Variants in TMEM132D observed in about 807,000 individuals in gnomAD.
TMEM132D encodes transmembrane protein 132D.
In TMEM132D, 21 loss-of-function variants were observed where a neutral mutation model predicts 62.3. That is an observed-to-expected ratio of 0.34 (90% CI 0.24 to 0.49). The LOEUF is 0.49. Ranked by LOEUF, TMEM132D falls within the 20% of genes least tolerant of loss-of-function variation. TMEM132D has a pLI of 0.99. For synonymous variants in TMEM132D, 621 were observed against 575.6 expected (o/e 1.08, Z -1.13); for missense variants, 1,346 against 1,402.8 (o/e 0.96, Z 0.65).
chr12:129,629,995 C>T (rs1879313694), intron 2 of TMEM132D, among the ~76,000 whole-genome samples: 1 of 152,194 alleles, frequency 6.6e-6, no homozygotes, highest in Non-Finnish European at 1.5e-5. Flanking sequence ...TTGCAGGTAG[C>T]AGGAAGTTGA....
intron 4 of TMEM132D, among the ~76,000 whole-genome samples, chr12:129,222,128 AT>A (rs1241887138): frequency 3.9e-5 from 6 of 152,214 alleles, no homozygotes; most frequent in Non-Finnish European, 8.8e-5. Flanking sequence ...AAATAATAAA[AT>A]AAAATAATTC....
At chr12:129,466,626 C>G (rs1157790922) in intron 3 of TMEM132D, among the ~76,000 whole-genome samples, 5 of 152,130 alleles carry the variant, frequency 3.3e-5, no homozygotes, top group Admixed American at 1.3e-4. Flanking sequence ...TTAACACACA[C>G]TTATTAGGTA....
intron 3 of TMEM132D, among the ~76,000 whole-genome samples, chr12:129,424,310 T>A (rs1872417614): frequency 6.6e-6 from 1 of 152,204 alleles, no homozygotes; most frequent in Admixed American, 6.5e-5. Context: ...ACCAAGAATG[T>A]AGGTGGTCAC....
chr12:129,329,982 A>G (rs1168132841), intron 4 of TMEM132D, among the ~76,000 whole-genome samples: 2 of 152,226 alleles, frequency 1.3e-5, no homozygotes, highest in Non-Finnish European at 1.5e-5. Context: ...GTAAAATTAT[A>G]TGGTTCTAAA....
At chr12:129,588,968 T>C (rs540335238) in intron 2 of TMEM132D, among the ~76,000 whole-genome samples, 1 of 152,130 alleles carries the variant, frequency 6.6e-6, no homozygotes, top group South Asian at 2.1e-4. Flanking sequence ...CAATCTGGGG[T>C]TTAAAATAGA....
intron 3 of TMEM132D, among the ~76,000 whole-genome samples, chr12:129,419,633 C>A (rs577245861): frequency 5.1e-4 from 77 of 152,154 alleles, no homozygotes; most frequent in Non-Finnish European, 1.0e-3. Context: ...TAATATAATT[C>A]TTTATGGCTA....
intron 1 of TMEM132D, 26 bp from the exon 2 acceptor site, chr12:129,700,724 G>A (rs775038238): frequency 5.1e-6 from 8 of 1,573,510 alleles, no homozygotes; most frequent in African/African-American, 2.7e-5. Flanking sequence ...CGCAGTGCAG[G>A]CGTTAGTAAT....
intron 3 of TMEM132D, among the ~76,000 whole-genome samples, chr12:129,508,708 C>T (rs568926757): frequency 6.6e-6 from 1 of 151,750 alleles, no homozygotes; most frequent in South Asian, 2.1e-4. Context: ...TAAATGTATC[C>T]CCCAAAATAC....
chr12:129,465,979 G>A (rs892998932), intron 3 of TMEM132D, among the ~76,000 whole-genome samples: 1 of 152,160 alleles, frequency 6.6e-6, no homozygotes, highest in African/African-American at 2.4e-5. Context: ...CATTGCACCT[G>A]GCCCTCATTT....
In TMEM132D at chr12:129,093,490, T is replaced by A. The variant is rs534872798; in HGVS notation, c.1444-8788A>T. On this transcript the variant is annotated intron_variant, in intron 5 of 8. Transcript: ENST00000422113. ...TCCAACTTACAAGGGATGTGAAGGATCTCTTCAAGGAGAACTACAAACCAC... is the reference window on the plus strand; with the variant it reads ...TCCAACTTACAAGGGATGTGAAGGAACTCTTCAAGGAGAACTACAAACCAC... Among the ~76,000 whole-genome samples the A allele has an allele frequency of 5.2e-3, 792 of 152,082 alleles. 6 individuals carry two copies. Among genetic ancestry groups the A allele is most frequent in the African/African-American group, 0.018 (740 of 41,472 alleles).
chr12:129,335,326 T>C lies in TMEM132D; in HGVS notation c.1299+2308A>G, dbSNP rs563706574. ...TTTGTAGTTTTTTTTTTAGTAGAGA[T>C]GGGGTTTTGCCATGTTGGTCAAGCT... is the stretch of plus-strand genomic sequence containing the variant. On this transcript the variant is annotated intron_variant, in intron 4 of 8. Transcript: ENST00000422113. Among the ~76,000 whole-genome samples, 5 of 151,832 alleles carry C rather than the reference T, an allele frequency of 3.3e-5. No individual in the cohort carries two copies. In the East Asian group the frequency reaches 9.8e-4, roughly 30 times the overall value.
At chr12:129,683,562 A>G (rs191210926) in intron 2 of TMEM132D, among the ~76,000 whole-genome samples, 79 of 152,300 alleles carry the variant, frequency 5.2e-4, no homozygotes, top group African/African-American at 1.4e-3. Context: ...TTAAACCTGG[A>G]TGTGATGAGG....
intron 2 of TMEM132D, among the ~76,000 whole-genome samples, chr12:129,605,604 T>TATATATATACACAC (rs150550863): frequency 4.9e-4 from 52 of 106,268 alleles, no homozygotes; most frequent in African/African-American, 2.0e-3. Context: ...TATATATATA[T>TATATATATACACAC]ACACACACAT....
intron 5 of TMEM132D, among the ~76,000 whole-genome samples, chr12:129,198,788 T>A (rs11060192): frequency 6.6e-6 from 1 of 152,004 alleles, no homozygotes; most frequent in African/African-American, 2.4e-5. Context: ...AAATTTCAAC[T>A]GTCCTCACTA....
chr12:129,629,514 T>C (rs1479432085), intron 2 of TMEM132D, among the ~76,000 whole-genome samples: 1 of 152,208 alleles, frequency 6.6e-6, no homozygotes, highest in Non-Finnish European at 1.5e-5. Context: ...GCATCTTCCT[T>C]GATCCCATCT....
At chr12:129,664,333 G>T (rs1338961772) in intron 2 of TMEM132D, among the ~76,000 whole-genome samples, 2 of 151,566 alleles carry the variant, frequency 1.3e-5, no homozygotes, top group East Asian at 3.9e-4. Flanking sequence ...CTTAGAACCA[G>T]ATTTGGTAGA....
At chr12:129,755,685 T>C (rs1350754596) in intron 1 of TMEM132D, among the ~76,000 whole-genome samples, 3 of 152,166 alleles carry the variant, frequency 2.0e-5, no homozygotes, top group African/African-American at 7.2e-5. Flanking sequence ...AGTTTATTAA[T>C]TTGAATCTGG....
At chr12:129,296,166 C>A (rs1399040786) in intron 4 of TMEM132D, among the ~76,000 whole-genome samples, 3 of 151,936 alleles carry the variant, frequency 2.0e-5, no homozygotes, top group Non-Finnish European at 2.9e-5. Context: ...TTCTGGAAAA[C>A]CCTGACTCAG....
intron 2 of TMEM132D, among the ~76,000 whole-genome samples, chr12:129,598,399 T>C (rs1231073819): frequency 6.6e-6 from 1 of 152,190 alleles, no homozygotes; most frequent in Non-Finnish European, 1.5e-5. Flanking sequence ...AAAAAGATTT[T>C]CTATGGAATG....
Sources: gnomAD v4.1 joint callset for allele counts (sites outside exome capture counted in the v4.1 genomes callset) on GRCh38, gnomAD v4.1.1 for gene constraint, MANE v1.5 for transcripts, NCBI Gene and HGNC (gene_info 2026-07-23, HGNC 2026-07-21) for gene names.